The following MYO6 variants were observed in gnomAD, a reference collection of about 807,000 sequenced individuals.
MYO6 encodes myosin VI.
A neutral mutation model predicts 178.7 loss-of-function variants in MYO6; 74 were observed. The observed-to-expected ratio is 0.41, with a 90% CI of 0.34 to 0.50. MYO6 has a LOEUF of 0.50. MYO6 is among the 20% of genes least tolerant of loss of function. The pLI is 0.09. For missense variants in MYO6, 1,330 were observed against 1,547.4 expected (o/e 0.86, Z 2.36); for synonymous variants, 477 against 504.6 (o/e 0.95, Z 0.73).
At chr6:75,794,250 C>T (rs1209828420) in intron 1 of MYO6, among the ~76,000 whole-genome samples, 1 of 152,074 alleles carries the variant, frequency 6.6e-6, no homozygotes, top group East Asian at 1.9e-4. Flanking sequence ...AGGAAGACAT[C>T]TAAAAAATAG....
In MYO6 at chr6:75,916,918, T is replaced by C. The variant is rs1325398150; in HGVS notation, c.*1906T>C. On this transcript the variant is annotated 3_prime_UTR_variant, in exon 35 of 35. Transcript: ENST00000369977. The stretch of plus-strand genomic sequence containing the variant: ...TTGACTCTAATAGTTAATACAATTA[T>C]AGTTAATCTTAAGCCATAATGTTTC... 4 of 152,240 alleles carry C rather than the reference T, an allele frequency of 2.6e-5. No individual in the cohort carries two copies. The East Asian group carries it at 5.8e-4, about 22-fold the overall frequency. 9.4% of individuals were successfully genotyped at this position (152,240 alleles called of 1,614,324 possible).
chr6:75,779,181 A>G (rs1011763821), intron 1 of MYO6, among the ~76,000 whole-genome samples: 1 of 151,868 alleles, frequency 6.6e-6, no homozygotes, highest in African/African-American at 2.4e-5. Context: ...TTACAGGCAC[A>G]TGCCACTGTG....
intron 30 of MYO6, 23 bp downstream of exon 30, chr6:75,898,434 AAAT>A (rs1285608088): frequency 1.3e-6 from 2 of 1,592,560 alleles, no homozygotes; most frequent in Non-Finnish European, 1.7e-6. Flanking sequence ...TAATTGGGGG[AAAT>A]AAGTGTTCAC....
intron 1 of MYO6, among the ~76,000 whole-genome samples, chr6:75,765,682 A>T (rs1220966674): frequency 6.6e-6 from 1 of 152,068 alleles, no homozygotes; most frequent in Non-Finnish European, 1.5e-5. Context: ...CAGGAGTTTG[A>T]GGCTGCAGTG....
At chr6:75,832,992 T>G (rs762173367) in intron 6 of MYO6, 45 bp downstream of exon 6, 3 of 1,363,790 alleles carry the variant, frequency 2.2e-6, no homozygotes, top group Non-Finnish European at 3.1e-6. Flanking sequence ...GTTGATCTTT[T>G]TTTTCCCCCC....
intron 4 of MYO6, 78 bp from the exon 5 acceptor site, chr6:75,830,338 A>G: frequency 7.1e-7 from 1 of 1,406,606 alleles, no homozygotes; most frequent in Non-Finnish European, 9.9e-7. Flanking sequence ...TTTGTATTTT[A>G]TTTTTTCTAT....
Position 75,886,111 on chromosome 6 carries a change from C to A in MYO6, c.2507+17C>A. On this transcript the variant is annotated intron_variant, in intron 24 of 34. Transcript: ENST00000369977. ...CAAACCTCGGTAAGATGAATAGTTCCTAAAAAGAACTCTACAAAACCTAGT... is the reference window on the plus strand; with the variant it reads ...CAAACCTCGGTAAGATGAATAGTTCATAAAAAGAACTCTACAAAACCTAGT... 6.6e-7 allele frequency: 1 copy of A among 1,526,494 alleles called. No individual in the cohort carries two copies. Among genetic ancestry groups the A allele is most frequent in the Non-Finnish European group, 9.1e-7 (1 of 1,101,904 alleles). The allele number at this position is 1,526,494 out of a possible 1,614,324, so 94.6% of individuals were successfully genotyped here.
chr6:75,891,362 G>T, intron 27 of MYO6, 56 bp downstream of exon 27: 1 of 1,340,092 alleles, frequency 7.5e-7, no homozygotes, highest in Non-Finnish European at 1.1e-6. Context: ...GCTGGGTGTG[G>T]TGGCTCATGC....
chr6:75,894,756 A>T, intron 28 of MYO6: 1 of 1,225,466 alleles, frequency 8.2e-7, no homozygotes, highest in Non-Finnish European at 1.1e-6. Context: ...TGTGTTAAAA[A>T]ATGTATATAT....
chr6:75,918,740 C>G lies in MYO6; in HGVS notation c.*3728C>G, dbSNP rs1377315287. The G allele has an allele frequency of 6.6e-6, 1 of 152,204 alleles. No homozygotes were observed. The highest frequency in any genetic ancestry group is 1.5e-5 in the Non-Finnish European group (1 of 68,044). The allele number at this position is 152,204 out of a possible 1,614,324, so 9.4% of individuals were successfully genotyped here. ...AACCTAATATATGAAACAAGCTTAGCTGTCTCAGAAGTTTTTCAAGAGATG... is the reference window on the plus strand; with the variant it reads ...AACCTAATATATGAAACAAGCTTAGGTGTCTCAGAAGTTTTTCAAGAGATG... On this transcript the variant is annotated 3_prime_UTR_variant, in exon 35 of 35. Transcript: ENST00000369977.
At chr6:75,849,682 C>G (rs1037165836) in intron 11 of MYO6, among the ~76,000 whole-genome samples, 2 of 152,058 alleles carry the variant, frequency 1.3e-5, no homozygotes, top group Non-Finnish European at 2.9e-5. Context: ...GAGTGGGTAG[C>G]CAGAGTTAGA....
chr6:75,822,574 A>G (rs1772005635), intron 2 of MYO6, among the ~76,000 whole-genome samples: 1 of 152,036 alleles, frequency 6.6e-6, no homozygotes, highest in Non-Finnish European at 1.5e-5. Context: ...TGTTGATTTC[A>G]TGTCCACAGT....
chr6:75,909,081 G>A (rs748909353), intron 32 of MYO6, among the ~76,000 whole-genome samples: 1 of 152,068 alleles, frequency 6.6e-6, no homozygotes, highest in Non-Finnish European at 1.5e-5. Flanking sequence ...ATAGAGATGA[G>A]GTCTTGCCAT....
At chr6:75,780,301 G>T (rs557172194) in intron 1 of MYO6, among the ~76,000 whole-genome samples, 5 of 152,184 alleles carry the variant, frequency 3.3e-5, no homozygotes, top group Admixed American at 6.5e-5. Context: ...AATTAGCTGG[G>T]TGTGGTGGTG....
At chr6:75,757,102 A>G (rs1353986582) in intron 1 of MYO6, among the ~76,000 whole-genome samples, 2 of 145,736 alleles carry the variant, frequency 1.4e-5, no homozygotes, top group Admixed American at 1.4e-4. Context: ...CGCAATATGT[A>G]TTGTGTATAT....
At chr6:75,903,109 C>G (rs1367253613) in intron 30 of MYO6, among the ~76,000 whole-genome samples, 1 of 152,116 alleles carries the variant, frequency 6.6e-6, no homozygotes, top group Non-Finnish European at 1.5e-5. Context: ...TATAATTTCT[C>G]TTCCTTTACA....
intron 1 of MYO6, among the ~76,000 whole-genome samples, chr6:75,776,075 AC>A: frequency 6.6e-6 from 1 of 152,278 alleles, no homozygotes; most frequent in East Asian, 1.9e-4. Flanking sequence ...TTATGTCAGT[AC>A]TATAAATATT....
chr6:75,777,308 T>C (rs1766489402), intron 1 of MYO6, among the ~76,000 whole-genome samples: 2 of 152,236 alleles, frequency 1.3e-5, no homozygotes, highest in South Asian at 4.1e-4. Flanking sequence ...GATAAAAATA[T>C]GGTTTCCTGG....
chr6:75,826,056 C>T (rs996055171), intron 3 of MYO6, among the ~76,000 whole-genome samples: 9 of 152,122 alleles, frequency 5.9e-5, no homozygotes, highest in Middle Eastern at 3.2e-3. Flanking sequence ...AATCCTAGGA[C>T]TGACTACTAG....
Sources: allele counts gnomAD v4.1 joint callset (sites outside exome capture counted in the v4.1 genomes callset), GRCh38; gene constraint gnomAD v4.1.1; transcripts MANE v1.5; gene names NCBI Gene and HGNC (gene_info 2026-07-23, HGNC 2026-07-21).